ASTN2: variants seen among roughly 807,000 people sequenced by gnomAD.
The protein encoded by ASTN2 is astrotactin-2.
A neutral mutation model predicts 139.8 loss-of-function variants in ASTN2; 54 were observed. The observed-to-expected ratio is 0.39, with a 90% CI of 0.31 to 0.48. The LOEUF is 0.48. ASTN2 is among the 20% of genes least tolerant of loss of function. The probability of loss-of-function intolerance (pLI) is 0.95; values close to 1 mark genes in which losing one functional copy is unlikely to be tolerated. For synonymous variants in ASTN2, 756 were observed against 719.5 expected (o/e 1.05, Z -0.81); for missense variants, 1,565 against 1,725.1 (o/e 0.91, Z 1.64).
At chr9:117,382,474 G>A (rs905579190) in intron 1 of ASTN2, among the ~76,000 whole-genome samples, 1 of 152,202 alleles carries the variant, frequency 6.6e-6, no homozygotes, top group African/African-American at 2.4e-5. Context: ...TTTAGGACGG[G>A]AAATTAAAGC....
At chr9:116,570,402 T>C (rs1034094496) in intron 19 of ASTN2, among the ~76,000 whole-genome samples, 1 of 152,268 alleles carries the variant, frequency 6.6e-6, no homozygotes, top group Non-Finnish European at 1.5e-5. Context: ...TCTCTTTTTT[T>C]TTTTGAGACA....
chr9:116,574,984 A>G (rs1433584883), intron 19 of ASTN2, among the ~76,000 whole-genome samples: 1 of 152,104 alleles, frequency 6.6e-6, no homozygotes, highest in Non-Finnish European at 1.5e-5. Context: ...CAACTAACCT[A>G]CATTTGTCTT....
At chr9:116,979,043 TGTAA>T (rs1170432114) in intron 7 of ASTN2, among the ~76,000 whole-genome samples, 13 of 152,360 alleles carry the variant, frequency 8.5e-5, no homozygotes, top group South Asian at 2.1e-4. Context: ...TCTGATGAAC[TGTAA>T]GTGTTATATA....
At chr9:117,366,392 C>T (rs1429000523) in intron 1 of ASTN2, among the ~76,000 whole-genome samples, 1 of 152,140 alleles carries the variant, frequency 6.6e-6, no homozygotes, top group Non-Finnish European at 1.5e-5. Context: ...GTGTGGGAAG[C>T]AGAGCAGAAA....
intron 10 of ASTN2, among the ~76,000 whole-genome samples, chr9:116,936,246 C>CACT (rs201586952): frequency 6.9e-6 from 1 of 144,982 alleles, no homozygotes; most frequent in Non-Finnish European, 1.5e-5. Context: ...CCACCACCAC[C>CACT]ACCATCACCA....
At chr9:117,219,298 C>T (rs938457529) in intron 2 of ASTN2, among the ~76,000 whole-genome samples, 3 of 152,092 alleles carry the variant, frequency 2.0e-5, no homozygotes, top group Admixed American at 6.6e-5. Context: ...CAGGAGCAAT[C>T]GACCAGTGCT....
At chr9:116,492,718 C>T (rs572872507) in intron 19 of ASTN2, among the ~76,000 whole-genome samples, 17 of 152,300 alleles carry the variant, frequency 1.1e-4, no homozygotes, top group Non-Finnish European at 2.2e-4. Context: ...GCAATTACTA[C>T]GCACCAGACA....
At chr9:117,326,174 T>C (rs1828509722) in intron 1 of ASTN2, among the ~76,000 whole-genome samples, 3 of 152,180 alleles carry the variant, frequency 2.0e-5, no homozygotes, top group Admixed American at 2.0e-4. Context: ...CTCTGTTTTT[T>C]TTTTAATTTA....
At chr9:117,390,329 A>G (rs1053979092) in intron 1 of ASTN2, among the ~76,000 whole-genome samples, 5 of 152,314 alleles carry the variant, frequency 3.3e-5, no homozygotes, top group Middle Eastern at 3.4e-3. Flanking sequence ...ATAATTGATG[A>G]GCCAATATTA....
At chr9:117,033,468 T>C (rs1466943509) in intron 6 of ASTN2, among the ~76,000 whole-genome samples, 1 of 152,148 alleles carries the variant, frequency 6.6e-6, no homozygotes, top group African/African-American at 2.4e-5. Context: ...ACTGCTATTA[T>C]CCCCAATTTA....
At chr9:117,343,964 G>C (rs576186948) in intron 1 of ASTN2, among the ~76,000 whole-genome samples, 7 of 152,162 alleles carry the variant, frequency 4.6e-5, no homozygotes, top group African/African-American at 1.2e-4. Flanking sequence ...AAGGAAGGAG[G>C]GGGGATGAAG....
At chr9:116,992,936 C>T (rs1836900062) in intron 7 of ASTN2, among the ~76,000 whole-genome samples, 1 of 152,176 alleles carries the variant, frequency 6.6e-6, no homozygotes, top group Non-Finnish European at 1.5e-5. Flanking sequence ...GCTTTTCCCA[C>T]CCTGATCCAA....
chr9:116,531,700 C>T (rs1462650988), intron 19 of ASTN2, among the ~76,000 whole-genome samples: 1 of 152,076 alleles, frequency 6.6e-6, no homozygotes, highest in African/African-American at 2.4e-5. Context: ...TGAACTCATC[C>T]TTTTTTATGG....
At chr9:116,970,703 A>T (rs746332464) in intron 10 of ASTN2, among the ~76,000 whole-genome samples, 1 of 152,182 alleles carries the variant, frequency 6.6e-6, no homozygotes, top group Non-Finnish European at 1.5e-5. Context: ...AACTAACTCA[A>T]TGTGAAAACT....
chr9:117,174,970 G>A (rs115497768), intron 3 of ASTN2, among the ~76,000 whole-genome samples: 277 of 152,092 alleles, frequency 1.8e-3, no homozygotes, highest in African/African-American at 6.3e-3. Flanking sequence ...GGGAGGCCCA[G>A]TCTGGAAGAG....
At chr9:116,942,098 A>G (rs1400380063) in intron 10 of ASTN2, among the ~76,000 whole-genome samples, 1 of 137,750 alleles carries the variant, frequency 7.3e-6, no homozygotes, top group Non-Finnish European at 1.5e-5. Context: ...ACGCACACAC[A>G]CACACACACA....
intron 4 of ASTN2, among the ~76,000 whole-genome samples, chr9:117,128,219 C>CA (rs751112786): frequency 6.6e-6 from 1 of 151,536 alleles, no homozygotes. Flanking sequence ...ACTAAAAGTA[C>CA]AAAAAATAGC....
chr9:116,819,026 G>A (rs1238528363), intron 12 of ASTN2, among the ~76,000 whole-genome samples: 1 of 152,150 alleles, frequency 6.6e-6, no homozygotes, highest in African/African-American at 2.4e-5. Flanking sequence ...GGAAGGTCAG[G>A]GGTCCTGAAA....
chr9:117,313,454 C>A (rs760184436), intron 1 of ASTN2, among the ~76,000 whole-genome samples: 1 of 152,140 alleles, frequency 6.6e-6, no homozygotes, highest in Admixed American at 6.5e-5. Flanking sequence ...GTCCCAGAGA[C>A]AGGAACATGA....
Sources: gnomAD v4.1 joint callset for allele counts (sites outside exome capture counted in the v4.1 genomes callset) on GRCh38, gnomAD v4.1.1 for gene constraint, MANE v1.5 for transcripts, NCBI Gene and HGNC (gene_info 2026-07-23, HGNC 2026-07-21) for gene names.